SMOC1: variants seen among roughly 807,000 people sequenced by gnomAD.
SMOC1 encodes SPARC-related modular calcium-binding protein 1.
A neutral mutation model predicts 56.3 loss-of-function variants in SMOC1; 22 were observed. The ratio of observed to expected loss-of-function variants is 0.39; its 90% CI spans 0.28 to 0.56. SMOC1 has a LOEUF of 0.56. Ranked by LOEUF, SMOC1 falls within the 20% of genes least tolerant of loss-of-function variation. The probability of loss-of-function intolerance (pLI) is 0.61; values close to 1 mark genes in which losing one functional copy is unlikely to be tolerated. For missense variants in SMOC1, 509 were observed against 565.4 expected (o/e 0.90, Z 1.01); for synonymous variants, 193 against 215.0 (o/e 0.90, Z 0.89).
At chr14:69,898,268 T>G (rs1327504520) in intron 1 of SMOC1, among the ~76,000 whole-genome samples, 1 of 152,186 alleles carries the variant, frequency 6.6e-6, no homozygotes, top group Non-Finnish European at 1.5e-5. Flanking sequence ...TTTTGTTTTT[T>G]GCAATTACCT....
chr14:69,879,425 A>G lies in SMOC1; in HGVS notation c.-254A>G. 1 of 375,606 alleles carries G rather than the reference A, an allele frequency of 2.7e-6. No homozygotes were observed. Among genetic ancestry groups the G allele is most frequent in the East Asian group, 4.3e-5 (1 of 23,090 alleles). 23.3% of individuals were successfully genotyped at this position (375,606 alleles called of 1,614,324 possible). A position where few individuals can be genotyped will look rare whatever the true frequency, so the allele number is the denominator to read the frequency against. ...CCCATGGCCCGGGCTCAGGCGTCCA[A>G]CCTGCTGCCGCCTGGGCCCCGCCGA... On this transcript the variant is annotated 5_prime_UTR_variant, in exon 1 of 12. Transcript: ENST00000361956.
chr14:70,011,726 T>C (rs1407985909), intron 9 of SMOC1, among the ~76,000 whole-genome samples, 159 bp downstream of exon 9: 1 of 152,236 alleles, frequency 6.6e-6, no homozygotes, highest in Admixed American at 6.5e-5. Context: ...TTATCCCTAA[T>C]TAGCTCTGCT....
At chr14:69,902,648 G>T (rs908765417) in intron 1 of SMOC1, among the ~76,000 whole-genome samples, 1 of 150,452 alleles carries the variant, frequency 6.6e-6, no homozygotes, top group South Asian at 2.1e-4. Flanking sequence ...CTCTTTCCAC[G>T]GTCTCCCTCT....
At chr14:69,910,648 A>T (rs1018337092) in intron 1 of SMOC1, among the ~76,000 whole-genome samples, 27 of 150,056 alleles carry the variant, frequency 1.8e-4, no homozygotes, top group African/African-American at 6.4e-4. Flanking sequence ...TAAGCCTTGG[A>T]TACTCAATTT....
chr14:69,925,224 C>G (rs3926202), intron 1 of SMOC1, among the ~76,000 whole-genome samples: 28,157 of 80,382 alleles, frequency 0.35, 5,118 homozygotes, highest in East Asian at 0.6. Context: ...AGGAGGGATG[C>G]TAAGGGAGGA....
chr14:70,021,143 A>G (rs951506125), intron 10 of SMOC1, among the ~76,000 whole-genome samples: 5 of 152,192 alleles, frequency 3.3e-5, no homozygotes, highest in African/African-American at 1.2e-4. Context: ...GGGGCTGAGC[A>G]GGAAGGTCCC....
At chr14:70,004,373 T>A (rs1255284114) in intron 7 of SMOC1, among the ~76,000 whole-genome samples, 1 of 152,246 alleles carries the variant, frequency 6.6e-6, no homozygotes, top group Non-Finnish European at 1.5e-5. Context: ...TGAAGGTATT[T>A]TGTGGATGTG....
At chr14:69,900,275 G>A (rs927020844) in intron 1 of SMOC1, among the ~76,000 whole-genome samples, 2 of 152,198 alleles carry the variant, frequency 1.3e-5, no homozygotes. Flanking sequence ...TAGGGAGTGT[G>A]TGTGCCATTT....
At chr14:69,931,319 C>T (rs555889414) in intron 1 of SMOC1, among the ~76,000 whole-genome samples, 1 of 152,378 alleles carries the variant, frequency 6.6e-6, no homozygotes, top group South Asian at 2.1e-4. Flanking sequence ...GCCTGAGTCC[C>T]GCTCCCTCCG....
Position 69,973,958 on chromosome 14 carries a change from T to A in SMOC1, c.379-1757T>A, listed in dbSNP as rs74832542. Among the ~76,000 whole-genome samples, 409 of 152,330 alleles carry A rather than the reference T, an allele frequency of 2.7e-3. 1 individual carries two copies. Among genetic ancestry groups the A allele is most frequent in the Non-Finnish European group, 4.3e-3 (291 of 68,022 alleles). ...AGCACATTTTCTTCACACCTTAATA[T>A]CTTTGCAGTTGGCACATGTCTTGTA... On this transcript the variant is annotated intron_variant, in intron 3 of 11. Coordinates refer to ENST00000361956, the MANE Select transcript of SMOC1 (RefSeq NM_001034852.3).
Position 70,011,453 on chromosome 14 carries a change from T to G in SMOC1, c.858-32T>G. 1.6e-3 allele frequency: 1,396 copies of G among 872,704 alleles called. 1 individual carries two copies. The highest frequency in any genetic ancestry group is 2.2e-3 in the Non-Finnish European group (1,246 of 559,090). 54.1% of individuals were successfully genotyped at this position (872,704 alleles called of 1,614,324 possible). On this transcript the variant is annotated intron_variant, in intron 8 of 11. Transcript: ENST00000361956. ...TGAAGTAGGCTCAGTTGCCAGCCCC[T>G]CCCAACCCCCCCCATATCTCTCTTT...
chr14:69,996,965 T>G (rs1203386678), intron 7 of SMOC1, among the ~76,000 whole-genome samples: 1 of 152,246 alleles, frequency 6.6e-6, no homozygotes, highest in Non-Finnish European at 1.5e-5. Flanking sequence ...CACAGCCATA[T>G]ATTTGTGTAG....
At chr14:69,889,514 C>T (rs1249728616) in intron 1 of SMOC1, among the ~76,000 whole-genome samples, 1 of 152,198 alleles carries the variant, frequency 6.6e-6, no homozygotes, top group Non-Finnish European at 1.5e-5. Flanking sequence ...CTGTTGGGCA[C>T]CCGGGCTAGT....
At chr14:69,984,869 A>C (rs1057381768) in intron 5 of SMOC1, among the ~76,000 whole-genome samples, 2 of 151,474 alleles carry the variant, frequency 1.3e-5, no homozygotes, top group Non-Finnish European at 2.9e-5. Context: ...ACAAACAAAC[A>C]AACAAACAAA....
At chr14:69,997,933 C>G (rs946073318) in intron 7 of SMOC1, among the ~76,000 whole-genome samples, 1 of 152,096 alleles carries the variant, frequency 6.6e-6, no homozygotes, top group Non-Finnish European at 1.5e-5. Context: ...TCAGCTGTCT[C>G]TCAGAGGCAA....
intron 1 of SMOC1, among the ~76,000 whole-genome samples, chr14:69,891,031 A>C (rs1297728954): frequency 6.6e-6 from 1 of 152,266 alleles, no homozygotes; most frequent in East Asian, 1.9e-4. Flanking sequence ...ACTATTACAC[A>C]GTACTGAAAA....
intron 1 of SMOC1, among the ~76,000 whole-genome samples, chr14:69,882,898 A>C (rs896124350): frequency 1.2e-4 from 18 of 152,324 alleles, no homozygotes; most frequent in Admixed American, 5.2e-4. Flanking sequence ...TTTGAGAGTG[A>C]TTACAGGTTC....
At position 69,880,798 on chromosome 14, in the gene SMOC1, T is replaced by C. The variant is rs117623717; in HGVS notation, c.99+1021T>C. On this transcript the variant is annotated intron_variant, in intron 1 of 11. Transcript: ENST00000361956. ...GCTCAACCAACTCGTGCTTTCTTTC[T>C]TGAACATCCTTGGGCCTGGCCCTTT... Among the ~76,000 whole-genome samples, 98 of 152,348 alleles carry C rather than the reference T, an allele frequency of 6.4e-4. No individual in the cohort carries two copies. The East Asian group carries it at 0.017, about 26-fold the overall frequency.
intron 1 of SMOC1, among the ~76,000 whole-genome samples, chr14:69,937,193 A>G (rs1378091096): frequency 6.6e-5 from 10 of 152,040 alleles, no homozygotes. Context: ...ACCCCTTGCT[A>G]TCTTGTTTCT....
Sources: gnomAD v4.1 joint callset for allele counts (sites outside exome capture counted in the v4.1 genomes callset) on GRCh38, gnomAD v4.1.1 for gene constraint, MANE v1.5 for transcripts, NCBI Gene and HGNC (gene_info 2026-07-23, HGNC 2026-07-21) for gene names.